RPS6KC1: variants seen among roughly 807,000 people sequenced by gnomAD.
RPS6KC1 encodes the protein inactive ribosomal protein S6 kinase delta-1.
In RPS6KC1, 54 loss-of-function variants were observed where a neutral mutation model predicts 103.8. That is an observed-to-expected ratio of 0.52 (90% CI 0.42 to 0.65). The LOEUF (loss-of-function observed/expected upper bound fraction) is 0.65, where lower values mean the gene tolerates loss of function less well. Among genes scored for constraint, RPS6KC1 ranks in the 30% least tolerant of loss-of-function variants. The pLI is 0.00. For synonymous variants in RPS6KC1, 439 were observed against 438.7 expected, an observed-to-expected ratio of 1.00 and a Z score of -0.01; for missense variants, 1,151 against 1,253.8, an observed-to-expected ratio of 0.92 and a Z score of 1.24.
chr1:213,071,058 G>A lies in RPS6KC1; in HGVS notation c.141+17G>A, dbSNP rs764159472. The A allele has an allele frequency of 8.1e-6, 12 of 1,479,250 alleles. No individual in the cohort carries two copies. Among genetic ancestry groups the A allele is most frequent in the East Asian group, 2.4e-5 (1 of 41,940 alleles). 91.6% of individuals were successfully genotyped at this position (1,479,250 alleles called of 1,614,324 possible). On this transcript the variant is annotated intron_variant, in intron 2 of 14. Transcript: ENST00000366960. ...GTCCAGGAGGTAACATTTATATGAA[G>A]ATTTTATTTTATGTATTTGATAAAA...
the RPS6KC1 span, among the ~76,000 whole-genome samples, chr1:213,425,447 C>T: frequency 2.0e-5 from 3 of 152,210 alleles, no homozygotes; most frequent in Admixed American, 1.3e-4. Context: ...TGCAACTCGG[C>T]ACTTGTTTAA....
At chr1:213,187,914 G>T (rs1573115747) in intron 8 of RPS6KC1, among the ~76,000 whole-genome samples, 1 of 152,052 alleles carries the variant, frequency 6.6e-6, no homozygotes, top group African/African-American at 2.4e-5. Flanking sequence ...GCTCTAGGAG[G>T]TACCTTAAGC....
the RPS6KC1 span, among the ~76,000 whole-genome samples, chr1:213,779,935 T>C: frequency 6.6e-6 from 1 of 152,214 alleles, no homozygotes; most frequent in East Asian, 1.9e-4. Flanking sequence ...TGTCCTATGA[T>C]GTCTTTGTTA....
intron 3 of RPS6KC1, among the ~76,000 whole-genome samples, chr1:213,087,222 CTAAT>C (rs2080478262): frequency 6.6e-6 from 1 of 152,042 alleles, no homozygotes; most frequent in African/African-American, 2.4e-5. Flanking sequence ...TGAGTTTTCA[CTAAT>C]TAAGGATTTT....
At chr1:213,363,687 T>C in the RPS6KC1 span, among the ~76,000 whole-genome samples, 300 of 86,482 alleles carry the variant, frequency 3.5e-3, 3 homozygotes, top group East Asian at 0.02. Flanking sequence ...TCTTTCTTTC[T>C]TTCTTTCTTT....
the RPS6KC1 span, among the ~76,000 whole-genome samples, chr1:213,623,190 T>C: frequency 2.0e-5 from 3 of 152,092 alleles, no homozygotes; most frequent in Admixed American, 1.3e-4. Context: ...ACACATGGAG[T>C]AAATGAAAAC....
the RPS6KC1 span, among the ~76,000 whole-genome samples, chr1:213,497,443 A>C: frequency 6.6e-6 from 1 of 152,086 alleles, no homozygotes; most frequent in African/African-American, 2.4e-5. Context: ...CCAAACCCAA[A>C]ATTAAGAAAA....
the RPS6KC1 span, among the ~76,000 whole-genome samples, chr1:213,785,616 A>G: frequency 6.6e-6 from 1 of 152,152 alleles, no homozygotes; most frequent in Non-Finnish European, 1.5e-5. Context: ...TAGTAAAGCT[A>G]TTATGAATGA....
chr1:213,707,668 GT>G, the RPS6KC1 span, among the ~76,000 whole-genome samples: 1 of 152,130 alleles, frequency 6.6e-6, no homozygotes, highest in Admixed American at 6.5e-5. Context: ...GGTTTTTATC[GT>G]TTTATGTCTT....
At chr1:213,755,250 T>A in the RPS6KC1 span, among the ~76,000 whole-genome samples, 1 of 152,200 alleles carries the variant, frequency 6.6e-6, no homozygotes, top group Non-Finnish European at 1.5e-5. Context: ...TTACTTTTAA[T>A]GGCAAAAGCT....
chr1:213,634,573 T>C, the RPS6KC1 span, among the ~76,000 whole-genome samples: 22 of 152,132 alleles, frequency 1.4e-4, no homozygotes, highest in Non-Finnish European at 3.1e-4. Context: ...GGGACACATT[T>C]AAAGCAGTGT....
chr1:213,824,153 G>A, the RPS6KC1 span, among the ~76,000 whole-genome samples: 3 of 152,178 alleles, frequency 2.0e-5, no homozygotes, highest in African/African-American at 7.2e-5. Flanking sequence ...AAAGACCCTA[G>A]GTCCCCATAT....
the RPS6KC1 span, among the ~76,000 whole-genome samples, chr1:213,413,595 T>C: frequency 6.6e-6 from 1 of 152,228 alleles, no homozygotes; most frequent in Admixed American, 6.5e-5. Context: ...CCTCAGTTTC[T>C]ATCCATGCGT....
chr1:213,261,821 T>A (rs2094804584), intron 13 of RPS6KC1, among the ~76,000 whole-genome samples, 181 bp downstream of exon 13: 1 of 152,210 alleles, frequency 6.6e-6, no homozygotes, highest in African/African-American at 2.4e-5. Flanking sequence ...AAAGTTGGAT[T>A]GCATTACATT....
the RPS6KC1 span, among the ~76,000 whole-genome samples, chr1:213,662,070 A>G: frequency 6.6e-6 from 1 of 152,100 alleles, no homozygotes; most frequent in African/African-American, 2.4e-5. Flanking sequence ...TTGGAGGGAG[A>G]ACCCAATGTT....
chr1:213,859,932 C>G, the RPS6KC1 span, among the ~76,000 whole-genome samples: 1 of 151,468 alleles, frequency 6.6e-6, no homozygotes, highest in Non-Finnish European at 1.5e-5. Context: ...TGTAAGCACC[C>G]ATCTTTTTGG....
the RPS6KC1 span, among the ~76,000 whole-genome samples, chr1:213,802,014 T>C: frequency 1.3e-5 from 2 of 152,232 alleles, no homozygotes; most frequent in Non-Finnish European, 2.9e-5. Flanking sequence ...ATTTGTATAC[T>C]CAGTTATTTT....
the RPS6KC1 span, among the ~76,000 whole-genome samples, chr1:213,785,660 A>G: frequency 6.6e-6 from 1 of 152,150 alleles, no homozygotes; most frequent in Non-Finnish European, 1.5e-5. Flanking sequence ...GGAGATATAT[A>G]TGTATGTAGC....
intron 4 of RPS6KC1, among the ~76,000 whole-genome samples, chr1:213,113,175 A>T (rs2083206398): frequency 6.6e-6 from 1 of 151,876 alleles, no homozygotes; most frequent in African/African-American, 2.4e-5. Context: ...TTACAGTCCC[A>T]CCAACAGTGT....
Sources: gnomAD v4.1 joint callset for allele counts (sites outside exome capture counted in the v4.1 genomes callset) on GRCh38, gnomAD v4.1.1 for gene constraint, MANE v1.5 for transcripts, NCBI Gene and HGNC (gene_info 2026-07-23, HGNC 2026-07-21) for gene names.